The following WASHC2C variants were observed in gnomAD, a reference collection of about 807,000 sequenced individuals.
WASHC2C encodes Vaccinia Penetration Factor.
WASHC2C carries 73 observed loss-of-function variants against 142.2 expected under a neutral mutation model. The ratio of observed to expected loss-of-function variants is 0.51; its 90% CI spans 0.43 to 0.62. The LOEUF (loss-of-function observed/expected upper bound fraction) is 0.62, where lower values mean the gene tolerates loss of function less well. Ranked by LOEUF, WASHC2C falls within the 20% of genes least tolerant of loss-of-function variation. The pLI is 0.00. For missense variants in WASHC2C, 969 were observed against 1,531.7 expected, an observed-to-expected ratio of 0.63 and a Z score of 6.13; for synonymous variants, 337 against 565.5, an observed-to-expected ratio of 0.60 and a Z score of 5.73.
In WASHC2C at chr10:45,727,555, C is replaced by T. The variant is rs755290175; in HGVS notation, c.126+16C>T. On this transcript the variant is annotated intron_variant, in intron 2 of 30. Transcript: ENST00000623400. Reference sequence around the variant, plus strand: ...CGACGCGGGCGTGAGAGGCGGGCCCCGGGGACGCGAGAGCGGCAGGGGTGA... The same window carrying T: ...CGACGCGGGCGTGAGAGGCGGGCCCTGGGGACGCGAGAGCGGCAGGGGTGA... 9.8e-5 allele frequency: 153 copies of T among 1,566,100 alleles called. No homozygotes were observed. The Middle Eastern group carries it at 2.8e-3, about 28-fold the overall frequency.
chr10:45,754,715 C>T (rs2054025691), intron 14 of WASHC2C, among the ~76,000 whole-genome samples, 170 bp downstream of exon 14: 1 of 152,124 alleles, frequency 6.6e-6, no homozygotes, highest in Non-Finnish European at 1.5e-5. Context: ...TCTTATTCTC[C>T]TAGAGCTCAG....
intron 28 of WASHC2C, among the ~76,000 whole-genome samples, chr10:45,788,080 A>C (rs376640632): frequency 3.9e-5 from 6 of 152,370 alleles, no homozygotes; most frequent in East Asian, 1.9e-4. Flanking sequence ...AAAACAAAAC[A>C]GCCTTCCTTT....
intron 17 of WASHC2C, among the ~76,000 whole-genome samples, chr10:45,761,357 T>C (rs2055055005): frequency 6.6e-6 from 1 of 152,104 alleles, no homozygotes; most frequent in African/African-American, 2.4e-5. Context: ...AAGTCAACGG[T>C]GGTCCTTTTC....
chr10:45,758,490 G>T (rs2054607030), intron 16 of WASHC2C, among the ~76,000 whole-genome samples: 2 of 151,866 alleles, frequency 1.3e-5, no homozygotes, highest in Admixed American at 1.3e-4. Context: ...TTATTAGTTG[G>T]CATTCTTCTG....
intron 29 of WASHC2C, among the ~76,000 whole-genome samples, 183 bp from the exon 30 acceptor site, chr10:45,790,173 G>T (rs1244689218): frequency 6.6e-6 from 1 of 152,218 alleles, no homozygotes; most frequent in Non-Finnish European, 1.5e-5. Flanking sequence ...CATTTGAGCC[G>T]GGGTGAGATG....
At chr10:45,734,707 G>C (rs56105487) in intron 3 of WASHC2C, among the ~76,000 whole-genome samples, 5,811 of 151,162 alleles carry the variant, frequency 0.038, 127 homozygotes, top group Non-Finnish European at 0.058. Context: ...GGGATTCCTT[G>C]GTATCTCTGC....
In WASHC2C at chr10:45,773,368, ATC is replaced by A. The variant is rs1247962585; in HGVS notation, c.2142+14_2142+15del. 1.6e-6 allele frequency: 1 copy of A among 615,538 alleles called. No individual in the cohort carries two copies. The highest frequency in any genetic ancestry group is 1.9e-5 in the African/African-American group (1 of 52,602). The allele number at this position is 615,538 out of a possible 1,614,324, so 38.1% of individuals were successfully genotyped here. ...TCCTCCTGCAACAAAGGTATTCTTC[ATC>A]TCTTAGTCCCAGGAAATGTCCTTGA... is the stretch of plus-strand genomic sequence containing the variant. On this transcript the variant is annotated intron_variant, in intron 21 of 30. Transcript: ENST00000623400.
chr10:45,777,443 T>A lies in WASHC2C; in HGVS notation c.2295+18T>A. ...CAGAAAAGGTGGACTTTTTTTCTTG[T>A]ATACTTGAATGCATTTGTCTCTCGT... On this transcript the variant is annotated intron_variant, in intron 22 of 30. Transcript: ENST00000623400. 6.2e-7 allele frequency: 1 copy of A among 1,610,802 alleles called. No individual in the cohort carries two copies. Among genetic ancestry groups the A allele is most frequent in the Non-Finnish European group, 8.5e-7 (1 of 1,178,406 alleles).
chr10:45,734,235 TAATA>T (rs1191071630), intron 3 of WASHC2C, among the ~76,000 whole-genome samples: 6 of 151,524 alleles, frequency 4.0e-5, no homozygotes, highest in Non-Finnish European at 5.9e-5. Flanking sequence ...AAAAAAATAA[TAATA>T]AATAAATAAA....
chr10:45,758,175 A>AGCAG (rs2054566243), intron 16 of WASHC2C, among the ~76,000 whole-genome samples: 1 of 152,146 alleles, frequency 6.6e-6, no homozygotes, highest in Admixed American at 6.5e-5. Flanking sequence ...CAAGAATACA[A>AGCAG]GCAGGCAGGG....
intron 9 of WASHC2C, among the ~76,000 whole-genome samples, chr10:45,750,490 G>GT (rs1564733949): frequency 6.6e-6 from 1 of 151,642 alleles, no homozygotes; most frequent in Non-Finnish European, 1.5e-5. Flanking sequence ...TCTTATTTTC[G>GT]TATTTAGATT....
Position 45,789,575 on chromosome 10 carries a change from A to G in WASHC2C, c.3708+84A>G. On this transcript the variant is annotated intron_variant, in intron 29 of 30. Coordinates refer to ENST00000623400, the MANE Select transcript of WASHC2C (RefSeq NM_001330074.2). ...CTTATTTGAGCCATAGATTATGTCTAGCTTGTTGCGTGCATACCCCATAGC... is the reference window on the plus strand; with the variant it reads ...CTTATTTGAGCCATAGATTATGTCTGGCTTGTTGCGTGCATACCCCATAGC... 3.2e-6 allele frequency: 5 copies of G among 1,586,006 alleles called. No individual in the cohort carries two copies. The East Asian group carries it at 6.7e-5, about 21-fold the overall frequency.
At chr10:45,749,546 C>T (rs1371030872) in intron 8 of WASHC2C, among the ~76,000 whole-genome samples, 4 of 148,030 alleles carry the variant, frequency 2.7e-5, no homozygotes, top group Non-Finnish European at 6.0e-5. Flanking sequence ...ATTTTTAGGC[C>T]GGGCTTGGTG....
At chr10:45,736,842 C>A (rs1467998133) in intron 3 of WASHC2C, among the ~76,000 whole-genome samples, 1 of 151,742 alleles carries the variant, frequency 6.6e-6, no homozygotes, top group African/African-American at 2.4e-5. Flanking sequence ...AAAATTCAGT[C>A]CTTTAAAAAG....
chr10:45,756,267 CT>C (rs1300449607), intron 15 of WASHC2C, among the ~76,000 whole-genome samples: 8 of 143,204 alleles, frequency 5.6e-5, no homozygotes, highest in African/African-American at 2.1e-4. Context: ...TACAGCAGTG[CT>C]TATGGTGATG....
chr10:45,757,595 CT>C (rs1349807207), intron 16 of WASHC2C, among the ~76,000 whole-genome samples: 8 of 152,206 alleles, frequency 5.3e-5, no homozygotes, highest in Admixed American at 1.3e-4. Context: ...CCCAGAATGT[CT>C]TTGCAAAATC....
At position 45,749,836 on chromosome 10, in the gene WASHC2C, A is replaced by AT. The variant is rs1554873238; in HGVS notation, c.733-260_733-259insT. Among the ~76,000 whole-genome samples, 217 of 101,768 alleles carry AT rather than the reference A, an allele frequency of 2.1e-3. 3 individuals carry two copies. The highest frequency in any genetic ancestry group is 0.017 in the East Asian group (50 of 2,884). 66.8% of individuals were successfully genotyped at this position (101,768 alleles called of 152,430 possible). A position where few individuals can be genotyped will look rare whatever the true frequency, so the allele number is the denominator to read the frequency against. On this transcript the variant is annotated intron_variant, in intron 8 of 30. Coordinates refer to ENST00000623400, the MANE Select transcript of WASHC2C (RefSeq NM_001330074.2). ...GCAAGACTCCATCTCAAAAAAAAAA[A>AT]ATATATATATATATATATATTTATA...
At chr10:45,788,100 T>C (rs530492289) in intron 28 of WASHC2C, among the ~76,000 whole-genome samples, 3 of 152,328 alleles carry the variant, frequency 2.0e-5, no homozygotes, top group African/African-American at 2.4e-5. Context: ...TTAACGACAA[T>C]TTTCATTGGC....
chr10:45,727,774 C>G (rs111623877), intron 2 of WASHC2C, among the ~76,000 whole-genome samples: 23,034 of 151,826 alleles, frequency 0.15, 1,936 homozygotes, highest in Admixed American at 0.24. Context: ...GTTTCTGGCT[C>G]AGCTCCATCC....
Sources: gnomAD v4.1 joint callset for allele counts (sites outside exome capture counted in the v4.1 genomes callset) on GRCh38, gnomAD v4.1.1 for gene constraint, MANE v1.5 for transcripts, NCBI Gene and HGNC (gene_info 2026-07-23, HGNC 2026-07-21) for gene names.